Variants in UVRAG observed in about 807,000 individuals in gnomAD.
UVRAG encodes UV radiation resistance-associated gene protein.
Under a neutral mutation model 78.0 loss-of-function variants are expected in UVRAG, and 19 were observed. That is an observed-to-expected ratio of 0.24 (90% CI 0.17 to 0.36). The LOEUF (loss-of-function observed/expected upper bound fraction) is 0.36. Ranked by LOEUF, UVRAG falls within the 10% of genes least tolerant of loss-of-function variation. The pLI is 1.00. For missense variants in UVRAG, 740 were observed against 853.8 expected (o/e 0.87, Z 1.66); for synonymous variants, 323 against 324.6 (o/e 1.00, Z 0.05).
intron 12 of UVRAG, among the ~76,000 whole-genome samples, chr11:76,017,252 A>G (rs1190923708): frequency 1.3e-5 from 2 of 152,156 alleles, no homozygotes; most frequent in African/African-American, 4.8e-5. Context: ...TGTGAGGATA[A>G]GTGTCATATG....
intron 14 of UVRAG, among the ~76,000 whole-genome samples, chr11:76,125,138 T>C (rs1357275775): frequency 6.6e-6 from 1 of 152,254 alleles, no homozygotes; most frequent in African/African-American, 2.4e-5. Context: ...TAGCTGACGT[T>C]GGTTTTTAAA....
At chr11:76,097,177 G>A (rs911632267) in intron 13 of UVRAG, among the ~76,000 whole-genome samples, 2 of 151,978 alleles carry the variant, frequency 1.3e-5, no homozygotes, top group African/African-American at 4.8e-5. Flanking sequence ...ATAACTGCTC[G>A]ACCCTCTGTC....
At chr11:75,828,158 A>C (rs1442747560) in intron 1 of UVRAG, among the ~76,000 whole-genome samples, 1 of 152,168 alleles carries the variant, frequency 6.6e-6, no homozygotes, top group Non-Finnish European at 1.5e-5. Flanking sequence ...AGAATTATAT[A>C]TGTATAGTAG....
intron 14 of UVRAG, among the ~76,000 whole-genome samples, chr11:76,131,071 G>T (rs1247192901): frequency 6.6e-6 from 1 of 151,812 alleles, no homozygotes; most frequent in East Asian, 1.9e-4. Flanking sequence ...CCATGTTCTC[G>T]TGTAGGATGT....
intron 9 of UVRAG, among the ~76,000 whole-genome samples, chr11:76,006,773 G>A (rs1256040970): frequency 1.3e-5 from 2 of 151,508 alleles, no homozygotes; most frequent in Non-Finnish European, 1.5e-5. Context: ...GGTTTTTGAG[G>A]TAATTATAAT....
chr11:76,093,885 C>T (rs780812118), intron 13 of UVRAG, among the ~76,000 whole-genome samples: 13 of 152,218 alleles, frequency 8.5e-5, no homozygotes, highest in Non-Finnish European at 1.8e-4. Context: ...GCCAGAACTT[C>T]TAACACTATA....
At chr11:76,127,935 C>CA (rs767882364) in intron 14 of UVRAG, among the ~76,000 whole-genome samples, 37 of 149,756 alleles carry the variant, frequency 2.5e-4, no homozygotes, top group Admixed American at 8.0e-4. Flanking sequence ...CAAGCCTGGG[C>CA]AAAAAGAGCG....
In UVRAG at chr11:75,880,038, C is replaced by T; in HGVS notation, c.430C>T (p.Gln144Ter). The change falls in exon 4 of 15, where the codon CAG becomes TAG. Residue 144 changes from glutamine to a stop codon, truncating the protein, a stop_gained and splice_region_variant. Coordinates refer to ENST00000356136, the MANE Select transcript of UVRAG (RefSeq NM_003369.4). LOFTEE classifies it high-confidence loss of function. Reference sequence around the variant, plus strand: ...GGATGGGCTGAAATACTTGGGTCAGCAGGTAATTTTTAGACTGTAGTTTCA... The same window carrying T: ...GGATGGGCTGAAATACTTGGGTCAGTAGGTAATTTTTAGACTGTAGTTTCA... ...CLDGLKYLGQ[Q>*]IHARNQNEII... 6.2e-7 allele frequency: 1 copy of T among 1,613,962 alleles called. No individual in the cohort carries two copies. Among genetic ancestry groups the T allele is most frequent in the Non-Finnish European group, 8.5e-7 (1 of 1,179,908 alleles).
intron 6 of UVRAG, among the ~76,000 whole-genome samples, chr11:75,913,900 C>G (rs1327802932): frequency 1.3e-5 from 2 of 152,174 alleles, no homozygotes; most frequent in East Asian, 1.9e-4. Flanking sequence ...TGATTTGGCT[C>G]TTGGGGAGTT....
At chr11:76,017,116 A>G in intron 12 of UVRAG, 136 bp downstream of exon 12, 1 of 549,320 alleles carries the variant, frequency 1.8e-6, no homozygotes, top group South Asian at 6.7e-5. Flanking sequence ...ATTCATTTAA[A>G]TCAAATGTAG....
intron 8 of UVRAG, 105 bp downstream of exon 8, chr11:75,983,618 A>C: frequency 3.7e-6 from 5 of 1,368,844 alleles, no homozygotes; most frequent in Admixed American, 5.5e-5. Context: ...ATACAGTCAC[A>C]CATCACTTAA....
At chr11:76,117,725 G>A (rs896382308) in intron 14 of UVRAG, among the ~76,000 whole-genome samples, 8 of 152,260 alleles carry the variant, frequency 5.3e-5, no homozygotes, top group South Asian at 4.1e-4. Context: ...GGCAGACAGC[G>A]ATCAGGTGAC....
chr11:75,929,757 T>C (rs1948194516), intron 6 of UVRAG, among the ~76,000 whole-genome samples: 2 of 152,196 alleles, frequency 1.3e-5, no homozygotes, highest in Non-Finnish European at 2.9e-5. Flanking sequence ...GCTTGTTCCC[T>C]GTCATGGGGC....
intron 13 of UVRAG, among the ~76,000 whole-genome samples, chr11:76,098,915 A>C (rs1006185328): frequency 6.6e-6 from 1 of 152,148 alleles, no homozygotes; most frequent in African/African-American, 2.4e-5. Context: ...ATTAAATAAA[A>C]TGGTTCCTCA....
chr11:75,843,392 G>A (rs1237253058), intron 1 of UVRAG, among the ~76,000 whole-genome samples: 5 of 152,152 alleles, frequency 3.3e-5, no homozygotes, highest in African/African-American at 1.2e-4. Flanking sequence ...AACCTGCCAT[G>A]GGATAAATCC....
At chr11:75,865,849 C>T (rs763325506) in intron 3 of UVRAG, among the ~76,000 whole-genome samples, 17 of 152,034 alleles carry the variant, frequency 1.1e-4, no homozygotes, top group East Asian at 3.9e-4. Context: ...TCCTGATCTC[C>T]GGTGATCTGC....
Position 75,970,908 on chromosome 11 carries a change from C to G in UVRAG, c.699+9359C>G, listed in dbSNP as rs1053038421. Among the ~76,000 whole-genome samples, 10 of 152,164 alleles carry G rather than the reference C, an allele frequency of 6.6e-5. No homozygotes were observed. The South Asian group carries it at 1.5e-3, about 22-fold the overall frequency. ...TACATAGTTTACATTAGGGTTTACT[C>G]TTTATGTTATACAGTTCTATGAGTT... is the stretch of plus-strand genomic sequence containing the variant. On this transcript the variant is annotated intron_variant, in intron 7 of 14. Transcript: ENST00000356136.
intron 11 of UVRAG, chr11:76,013,162 A>G (rs1395100800): frequency 6.6e-6 from 1 of 152,184 alleles, no homozygotes; most frequent in Non-Finnish European, 1.5e-5. Context: ...TAGTTTGTCC[A>G]ACATATAAAT....
At chr11:75,974,346 GTCT>G (rs1949187514) in intron 7 of UVRAG, among the ~76,000 whole-genome samples, 1 of 135,442 alleles carries the variant, frequency 7.4e-6, no homozygotes, top group Non-Finnish European at 1.6e-5. Flanking sequence ...CTGCATAAAT[GTCT>G]TCTTTTTTTT....
Sources: allele counts gnomAD v4.1 joint callset (sites outside exome capture counted in the v4.1 genomes callset), GRCh38; gene constraint gnomAD v4.1.1; transcripts MANE v1.5; gene names NCBI Gene and HGNC (gene_info 2026-07-23, HGNC 2026-07-21).